Variants in CPT1A observed in about 807,000 individuals in gnomAD.
The protein encoded by CPT1A is carnitine O-palmitoyltransferase 1, liver isoform.
Under a neutral mutation model 100.8 loss-of-function variants are expected in CPT1A, and 64 were observed. The ratio of observed to expected loss-of-function variants is 0.63; its 90% CI spans 0.52 to 0.78. The LOEUF (loss-of-function observed/expected upper bound fraction) is 0.78, where lower values mean the gene tolerates loss of function less well. CPT1A is among the 30% of genes least tolerant of loss of function. CPT1A has a pLI of 0.00. For synonymous variants in CPT1A, 363 were observed against 396.0 expected, an observed-to-expected ratio of 0.92 and a Z score of 0.99; for missense variants, 802 against 1,034.1, an observed-to-expected ratio of 0.78 and a Z score of 3.08.
At chr11:68,837,650 T>G (rs1277766479) in intron 1 of CPT1A, among the ~76,000 whole-genome samples, 1 of 151,930 alleles carries the variant, frequency 6.6e-6, no homozygotes, top group African/African-American at 2.4e-5. Flanking sequence ...GTGCCCCTCG[T>G]CAGGCGGTTA....
chr11:68,820,015 C>CGTTT (rs36030703), intron 1 of CPT1A, among the ~76,000 whole-genome samples: 5,656 of 150,316 alleles, frequency 0.038, 313 homozygotes, highest in African/African-American at 0.12. Flanking sequence ...ACAGTTTGCA[C>CGTTT]GTTTGTTTGT....
intron 14 of CPT1A, among the ~76,000 whole-genome samples, chr11:68,764,021 T>C (rs747925976): frequency 1.1e-4 from 16 of 152,054 alleles, no homozygotes; most frequent in Non-Finnish European, 1.9e-4. Flanking sequence ...TCAAGGAACG[T>C]GGGCATCTGG....
intron 18 of CPT1A, 43 bp from the exon 19 acceptor site, chr11:68,757,773 C>T (rs1386359094): frequency 6.6e-7 from 1 of 1,521,336 alleles, no homozygotes; most frequent in African/African-American, 1.4e-5. Flanking sequence ...TAAAACGTGG[C>T]CATCCCCACA....
chr11:68,791,186 C>T (rs1234849963), intron 9 of CPT1A, among the ~76,000 whole-genome samples: 3 of 152,066 alleles, frequency 2.0e-5, no homozygotes, highest in Admixed American at 6.6e-5. Flanking sequence ...CAGTGTAGGC[C>T]GCATGTCTCA....
At chr11:68,796,815 C>T (rs1245992949) in intron 7 of CPT1A, 41 bp downstream of exon 7, 1 of 1,600,664 alleles carries the variant, frequency 6.2e-7, no homozygotes, top group Admixed American at 1.7e-5. Context: ...CCCGCCGCCC[C>T]ACCGTCCTCG....
intron 4 of CPT1A, among the ~76,000 whole-genome samples, chr11:68,805,115 A>T (rs755293858): frequency 3.3e-5 from 5 of 152,200 alleles, no homozygotes; most frequent in Non-Finnish European, 5.9e-5. Flanking sequence ...TCTAGAAATC[A>T]GAAATTTTAT....
rs186479007 is a variant in CPT1A, at chr11:68,792,708, A to G, written c.967+607T>C. 3.9e-5 allele frequency among the ~76,000 whole-genome samples: 6 copies of G among 152,318 alleles called. No homozygotes were observed. The East Asian group carries it at 1.2e-3, about 29-fold the overall frequency. On this transcript the variant is annotated intron_variant, in intron 9 of 18. Coordinates refer to ENST00000265641, the MANE Select transcript of CPT1A (RefSeq NM_001876.4). ...CGACCCAGTGTGCGTTCCATCACAA[A>G]CGCTGACTGTGAGCCGGAGTAAAAT...
chr11:68,774,057 C>G (rs1034913242), intron 13 of CPT1A, among the ~76,000 whole-genome samples: 5 of 152,222 alleles, frequency 3.3e-5, no homozygotes, highest in Non-Finnish European at 5.9e-5. Context: ...AGAAGTAACA[C>G]AAGACCCTGG....
intron 10 of CPT1A, among the ~76,000 whole-genome samples, chr11:68,783,646 C>A (rs1295090014): frequency 6.6e-6 from 1 of 152,236 alleles, no homozygotes; most frequent in South Asian, 2.1e-4. Flanking sequence ...ACAACAGTGT[C>A]CCCCTGATGC....
At chr11:68,839,974 CAA>C (rs1194373651) in intron 1 of CPT1A, among the ~76,000 whole-genome samples, 1 of 152,212 alleles carries the variant, frequency 6.6e-6, no homozygotes, top group Non-Finnish European at 1.5e-5. Context: ...CACTTTGAAA[CAA>C]AGTGTGTGCA....
At chr11:68,794,148 G>T (rs540356893) in intron 8 of CPT1A, among the ~76,000 whole-genome samples, 1 of 152,258 alleles carries the variant, frequency 6.6e-6, no homozygotes, top group Non-Finnish European at 1.5e-5. Context: ...GAATAATTAG[G>T]CTGGGTGAAA....
intron 8 of CPT1A, among the ~76,000 whole-genome samples, 171 bp from the exon 9 acceptor site, chr11:68,793,573 G>A (rs1316656609): frequency 6.6e-6 from 1 of 151,852 alleles, no homozygotes; most frequent in Non-Finnish European, 1.5e-5. Context: ...GTGAAACCCC[G>A]TCTCTACTAA....
intron 3 of CPT1A, among the ~76,000 whole-genome samples, chr11:68,809,698 G>A (rs138154488): frequency 1.3e-5 from 2 of 152,308 alleles, no homozygotes; most frequent in African/African-American, 2.4e-5. Flanking sequence ...GGCCCATGAG[G>A]CTGGAAGACG....
rs534581656 is a variant in CPT1A, at chr11:68,841,512, C to A, written c.-14+263G>T. ...CATCCCTCCCGCGGCCGCACGGGAC[C>A]CGCCTGCGGATGGACCGACCCCCGG... On this transcript the variant is annotated intron_variant, in intron 1 of 18. Coordinates refer to ENST00000265641, the MANE Select transcript of CPT1A (RefSeq NM_001876.4). This position sits in a 1 kb window ranked among gnomAD's most constrained non-coding sequence, Gnocchi z 6.3. 1.3e-5 allele frequency among the ~76,000 whole-genome samples: 2 copies of A among 152,350 alleles called. No homozygotes were observed. The highest frequency in any genetic ancestry group is 4.1e-4 in the South Asian group (2 of 4,834).
At position 68,780,639 on chromosome 11, in the gene CPT1A, C is replaced by A; in HGVS notation, c.1458+1G>T. On this transcript the variant is annotated splice_donor_variant, in intron 12 of 18. Coordinates refer to ENST00000265641, the MANE Select transcript of CPT1A (RefSeq NM_001876.4). LOFTEE classifies it high-confidence loss of function. ...TTCAAGTGAAAAGTGTGAAAACTCA[C>A]CTCCCAAAGGTGGGCCACGATCGGC... The A allele has an allele frequency of 6.2e-7, 1 of 1,613,714 alleles. No individual in the cohort carries two copies. The highest frequency in any genetic ancestry group is 1.1e-5 in the South Asian group (1 of 91,072).
At chr11:68,802,133 G>T (rs1003839938) in intron 5 of CPT1A, among the ~76,000 whole-genome samples, 2 of 152,080 alleles carry the variant, frequency 1.3e-5, no homozygotes, top group Non-Finnish European at 2.9e-5. Flanking sequence ...AGAAGGATGG[G>T]GAGTGACTGC....
upstream of CPT1A, among the ~76,000 whole-genome samples, chr11:68,842,748 AT>A (rs1163164300): frequency 3.3e-5 from 5 of 151,978 alleles, no homozygotes; most frequent in African/African-American, 9.6e-5. Context: ...GGAACTGAAC[AT>A]CCACCGGTCC....
At chr11:68,757,964 A>G (rs975129850) in intron 18 of CPT1A, among the ~76,000 whole-genome samples, 13 of 152,114 alleles carry the variant, frequency 8.5e-5, no homozygotes, top group Admixed American at 7.2e-4. Context: ...CCTTCCCCTA[A>G]TGCCAATGCG....
intron 12 of CPT1A, 112 bp downstream of exon 12, chr11:68,780,528 C>T: frequency 3.5e-6 from 3 of 852,990 alleles, no homozygotes; most frequent in Non-Finnish European, 5.8e-6. Context: ...AGGTGATCTG[C>T]CCGCCTCGGC....
Sources: gnomAD v4.1 joint callset for allele counts (sites outside exome capture counted in the v4.1 genomes callset) on GRCh38, gnomAD v4.1.1 for gene constraint, Gnocchi (gnomAD v3.1) non-coding constraint, MANE v1.5 for transcripts, NCBI Gene and HGNC (gene_info 2026-07-23, HGNC 2026-07-21) for gene names.